The following IRAK1BP1 variants were observed in gnomAD, a reference collection of about 807,000 sequenced individuals.
IRAK1BP1 encodes the protein interleukin 1 receptor associated kinase 1 binding protein 1.
In IRAK1BP1, 24 loss-of-function variants were observed where a neutral mutation model predicts 28.0. The ratio of observed to expected loss-of-function variants is 0.86; its 90% confidence interval spans 0.62 to 1.20. IRAK1BP1 has a LOEUF of 1.20. Among genes scored for constraint, IRAK1BP1 ranks in the 50% most tolerant of loss-of-function variants. The pLI, the probability that IRAK1BP1 is intolerant of heterozygous loss-of-function variation, is 0.00. For missense variants in IRAK1BP1, 336 were observed against 316.7 expected (o/e 1.06, Z -0.46); for synonymous variants, 131 against 116.3 (o/e 1.13, Z -0.81).
the IRAK1BP1 span, among the ~76,000 whole-genome samples, chr6:78,959,119 C>A: frequency 6.6e-6 from 1 of 152,008 alleles, no homozygotes; most frequent in African/African-American, 2.4e-5. Flanking sequence ...AGAAACCTAA[C>A]TAAATGAGAA....
intron 1 of IRAK1BP1, among the ~76,000 whole-genome samples, chr6:78,868,266 T>C (rs1357478916): frequency 6.6e-6 from 1 of 152,216 alleles, no homozygotes. Flanking sequence ...ATATTTTGTT[T>C]TGTTTTGTTT....
chr6:78,976,012 T>C, the IRAK1BP1 span, among the ~76,000 whole-genome samples: 1 of 151,846 alleles, frequency 6.6e-6, no homozygotes, highest in African/African-American at 2.4e-5. Flanking sequence ...TTCACAGAAT[T>C]GGAAAAAACT....
At position 78,888,520 on chromosome 6, in the gene IRAK1BP1, AT is replaced by A. The variant is rs35503114; in HGVS notation, c.381+3092del. On this transcript the variant is annotated intron_variant, in intron 2 of 3. Coordinates refer to ENST00000369940, the MANE Select transcript of IRAK1BP1 (RefSeq NM_001010844.4). ...TAAATTACACCTCAGTACAGCTCCAATTTTTTTTTTTTTTTGAGATGGAGTC... is the reference window on the plus strand; with the variant it reads ...TAAATTACACCTCAGTACAGCTCCAATTTTTTTTTTTTTTGAGATGGAGTC... 1.2e-3 allele frequency among the ~76,000 whole-genome samples: 170 copies of A among 143,824 alleles called. 1 individual carries two copies. The highest frequency in any genetic ancestry group is 8.6e-3 in the South Asian group (39 of 4,532). The allele number at this position is 143,824 out of a possible 152,430, so 94.4% of individuals were successfully genotyped here.
chr6:78,908,152 G>C (rs1439459340), intron 4 of IRAK1BP1, among the ~76,000 whole-genome samples: 1 of 151,574 alleles, frequency 6.6e-6, no homozygotes, highest in African/African-American at 2.4e-5. Flanking sequence ...CCGGGTTCAA[G>C]CAATTCTCCT....
At chr6:78,876,102 G>T (rs549435219) in intron 1 of IRAK1BP1, among the ~76,000 whole-genome samples, 1 of 152,092 alleles carries the variant, frequency 6.6e-6, no homozygotes, top group African/African-American at 2.4e-5. Flanking sequence ...TGTGTCAAGG[G>T]GGGGATCTGA....
chr6:78,961,737 T>C, the IRAK1BP1 span: 12 of 1,612,664 alleles, frequency 7.4e-6, no homozygotes, highest in Non-Finnish European at 1.0e-5. Flanking sequence ...TTAGATCCGT[T>C]GGATATGCCA....
chr6:78,923,584 G>C (rs201021497), intron 4 of IRAK1BP1, among the ~76,000 whole-genome samples: 1 of 152,154 alleles, frequency 6.6e-6, no homozygotes, highest in Non-Finnish European at 1.5e-5. Flanking sequence ...GACATCTACA[G>C]AACTCTCCAC....
chr6:78,965,600 T>C, the IRAK1BP1 span: 2 of 677,262 alleles, frequency 3.0e-6, no homozygotes, highest in Non-Finnish European at 5.2e-6. Flanking sequence ...TGTTTTCTAT[T>C]TGATACTCAC....
At chr6:78,958,216 A>G in the IRAK1BP1 span, 1 of 274,234 alleles carries the variant, frequency 3.6e-6, no homozygotes. Context: ...TCTTTTTTTA[A>G]ACAATTTTAA....
intron 2 of IRAK1BP1, among the ~76,000 whole-genome samples, chr6:78,894,880 G>A (rs1435565077): frequency 3.3e-5 from 5 of 152,000 alleles, no homozygotes; most frequent in African/African-American, 9.7e-5. Context: ...AAGCTGAGGC[G>A]GGCAGATCAC....
chr6:78,877,777 G>A (rs573615509), intron 1 of IRAK1BP1, among the ~76,000 whole-genome samples: 2 of 152,270 alleles, frequency 1.3e-5, no homozygotes, highest in East Asian at 1.9e-4. Flanking sequence ...CTGGAAAATC[G>A]GGTCACTCCC....
intron 4 of IRAK1BP1, chr6:78,945,346 G>A: frequency 6.2e-7 from 1 of 1,613,744 alleles, no homozygotes; most frequent in Non-Finnish European, 8.5e-7. Context: ...ACGCCTTTGG[G>A]AGTACAGATG....
chr6:78,902,915 C>T lies in IRAK1BP1; in HGVS notation c.*4581C>T. ...AGAGGTAATATTAATAGAAATCTTTCAAGAAGGATTGTTTTCTACTATTAA... is the reference window on the plus strand; with the variant it reads ...AGAGGTAATATTAATAGAAATCTTTTAAGAAGGATTGTTTTCTACTATTAA... On this transcript the variant is annotated 3_prime_UTR_variant, in exon 4 of 4. Coordinates refer to ENST00000369940, the MANE Select transcript of IRAK1BP1 (RefSeq NM_001010844.4). 1 of 744,802 alleles carries T rather than the reference C, an allele frequency of 1.3e-6. No homozygotes were observed. The allele number at this position is 744,802 out of a possible 1,614,324, so 46.1% of individuals were successfully genotyped here.
At chr6:78,969,421 A>T in the IRAK1BP1 span, among the ~76,000 whole-genome samples, 42 of 152,312 alleles carry the variant, frequency 2.8e-4, no homozygotes, top group African/African-American at 1.0e-3. Flanking sequence ...AGTTTCTTTG[A>T]GACTTGTTTA....
rs549683006 is a variant in IRAK1BP1 at position 78,899,496 on chromosome 6, C to T, written c.*1162C>T. Reference sequence around the variant, plus strand: ...AAAATAAAAGAGTTAATGTTTGGATCGGACTCCAACAGGGCTCCTTAGAGT... The same window carrying T: ...AAAATAAAAGAGTTAATGTTTGGATTGGACTCCAACAGGGCTCCTTAGAGT... On this transcript the variant is annotated 3_prime_UTR_variant, in exon 4 of 4. Transcript: ENST00000369940. 6.6e-6 allele frequency: 1 copy of T among 152,160 alleles called. No homozygotes were observed. The highest frequency in any genetic ancestry group is 1.5e-5 in the Non-Finnish European group (1 of 68,026). The allele number at this position is 152,160 out of a possible 1,614,324, so 9.4% of individuals were successfully genotyped here.
In IRAK1BP1 at chr6:78,899,871, A is replaced by G. The variant is rs963203583; in HGVS notation, c.*1537A>G. 1 of 152,344 alleles carries G rather than the reference A, an allele frequency of 6.6e-6. No homozygotes were observed. The highest frequency in any genetic ancestry group is 1.9e-4 in the East Asian group (1 of 5,190). 9.4% of individuals were successfully genotyped at this position (152,344 alleles called of 1,614,324 possible). A position where few individuals can be genotyped will look rare whatever the true frequency, so the allele number is the denominator to read the frequency against. On this transcript the variant is annotated 3_prime_UTR_variant, in exon 4 of 4. Transcript: ENST00000369940. ...TGTAATCAGTATTTTTTAAATTGAG[A>G]TATTTGTTTTATCTTCAAAATTCAG...
intron 4 of IRAK1BP1, chr6:78,936,500 T>G (rs1462366874): frequency 6.6e-6 from 1 of 151,892 alleles, no homozygotes; most frequent in Non-Finnish European, 1.5e-5. Context: ...CTTATATGCA[T>G]GTACTATATT....
the IRAK1BP1 span, among the ~76,000 whole-genome samples, chr6:78,973,217 A>G: frequency 6.6e-6 from 1 of 152,102 alleles, no homozygotes; most frequent in Non-Finnish European, 1.5e-5. Flanking sequence ...AGTGGGGGCC[A>G]ATATTCAACA....
chr6:78,923,408 G>C (rs1384687186), intron 4 of IRAK1BP1, among the ~76,000 whole-genome samples: 1 of 152,144 alleles, frequency 6.6e-6, no homozygotes, highest in Non-Finnish European at 1.5e-5. Flanking sequence ...GGAGCACCCA[G>C]ATTGATAAAG....
Sources: allele counts gnomAD v4.1 joint callset (sites outside exome capture counted in the v4.1 genomes callset), GRCh38; gene constraint gnomAD v4.1.1; transcripts MANE v1.5; gene names NCBI Gene and HGNC (gene_info 2026-07-23, HGNC 2026-07-21).